Variants in NCKAP5 observed in about 807,000 individuals in gnomAD.
NCKAP5 encodes the protein nck-associated protein 5.
NCKAP5 carries 92 observed loss-of-function variants against 167.0 expected under a neutral mutation model. The observed-to-expected ratio is 0.55, with a 90% CI of 0.47 to 0.66. The LOEUF is 0.66. NCKAP5 is among the 30% of genes least tolerant of loss of function. NCKAP5 has a pLI of 0.00. For synonymous variants in NCKAP5, 891 were observed against 877.4 expected (o/e 1.02, Z -0.27); for missense variants, 2,378 against 2,315.0 (o/e 1.03, Z -0.56).
intron 8 of NCKAP5, among the ~76,000 whole-genome samples, chr2:132,935,657 C>A (rs1266888968): frequency 6.6e-6 from 1 of 152,084 alleles, no homozygotes; most frequent in African/African-American, 2.4e-5. Flanking sequence ...ACTGACCCTT[C>A]TGGAAAACTA....
chr2:133,166,338 TATCTTGC>T lies in NCKAP5; in HGVS notation c.208-36234_208-36228del, dbSNP rs573113343. The stretch of plus-strand genomic sequence containing the variant: ...CAATCATAATTTACATACAATTTTA[TATCTTGC>T]TCATTATTATATCATGAATAACTTT... On this transcript the variant is annotated intron_variant, in intron 5 of 19. Coordinates refer to ENST00000409261, the MANE Select transcript of NCKAP5 (RefSeq NM_207363.3). 5.3e-5 allele frequency among the ~76,000 whole-genome samples: 8 copies of T among 152,372 alleles called. No homozygotes were observed. The South Asian group carries it at 1.7e-3, about 32-fold the overall frequency.
At chr2:133,672,797 G>A in the NCKAP5 span, among the ~76,000 whole-genome samples, 16 of 152,172 alleles carry the variant, frequency 1.1e-4, no homozygotes, top group African/African-American at 3.9e-4. Flanking sequence ...CCTGTTCTAG[G>A]CCACAGGAAG....
chr2:133,240,068 A>C (rs1052262574), intron 4 of NCKAP5, among the ~76,000 whole-genome samples: 2 of 152,188 alleles, frequency 1.3e-5, no homozygotes, highest in African/African-American at 4.8e-5. Flanking sequence ...CACCATCACA[A>C]TTTGGAGAAA....
At chr2:133,312,504 G>T (rs745901497) in intron 3 of NCKAP5, among the ~76,000 whole-genome samples, 1 of 152,174 alleles carries the variant, frequency 6.6e-6, no homozygotes. Context: ...AAGCCAAAGA[G>T]AGGTAAGCAG....
chr2:133,467,077 T>G (rs1393214585), intron 3 of NCKAP5, among the ~76,000 whole-genome samples: 2 of 152,030 alleles, frequency 1.3e-5, no homozygotes, highest in African/African-American at 2.4e-5. Context: ...AGGGCATCCC[T>G]GTCTTGTGCC....
At chr2:133,487,216 A>C (rs1215887154) in intron 3 of NCKAP5, among the ~76,000 whole-genome samples, 2 of 152,224 alleles carry the variant, frequency 1.3e-5, no homozygotes. Flanking sequence ...GCACAGGAAG[A>C]GTTATAGACA....
intron 16 of NCKAP5, among the ~76,000 whole-genome samples, chr2:132,769,828 A>T (rs1021135312): frequency 6.6e-6 from 1 of 152,196 alleles, no homozygotes; most frequent in Non-Finnish European, 1.5e-5. Flanking sequence ...CCTTCCTTAT[A>T]CTTTTGTCTT....
chr2:132,747,169 G>C (rs1211977560), intron 16 of NCKAP5, among the ~76,000 whole-genome samples: 1 of 108,566 alleles, frequency 9.2e-6, no homozygotes, highest in East Asian at 3.2e-4. Context: ...TACTCAGCCT[G>C]CCAAAAAAAA....
intron 6 of NCKAP5, among the ~76,000 whole-genome samples, chr2:133,008,144 C>T (rs1304130915): frequency 6.6e-6 from 1 of 152,118 alleles, no homozygotes; most frequent in African/African-American, 2.4e-5. Flanking sequence ...TCAAGCAGGG[C>T]AAGTAAGTGT....
chr2:133,222,835 T>C (rs1332879619), intron 4 of NCKAP5, among the ~76,000 whole-genome samples: 1 of 152,198 alleles, frequency 6.6e-6, no homozygotes, highest in African/African-American at 2.4e-5. Context: ...GCAATGAATA[T>C]ATATTTAGCT....
intron 8 of NCKAP5, among the ~76,000 whole-genome samples, chr2:132,959,290 T>C (rs2076438361): frequency 6.6e-6 from 1 of 152,102 alleles, no homozygotes; most frequent in Non-Finnish European, 1.5e-5. Context: ...GTTATTCACC[T>C]TAACACATTT....
At chr2:133,672,758 T>C in the NCKAP5 span, among the ~76,000 whole-genome samples, 1 of 152,308 alleles carries the variant, frequency 6.6e-6, no homozygotes, top group South Asian at 2.1e-4. Context: ...GGTGGCAGAT[T>C]TGGGCCTGTG....
At position 132,784,631 on chromosome 2, in the gene NCKAP5, C is replaced by T; in HGVS notation, c.2180G>A (p.Arg727Lys). Residue 727 changes from arginine to lysine, a missense_variant, in exon 14 of 20, where the codon AGA becomes AAA. Around this residue, in one of 3 missense-constraint regions of NCKAP5, gnomAD observed 1,049 missense variants for 1,023.4 expected, o/e 1.02. Transcript: ENST00000409261. ...AGACCTTTTAAAGAAAGTATAGTCT[C>T]TTGCAGCAGCTCTTGGCTGTAAACA... is the stretch of plus-strand genomic sequence containing the variant. ...IACLQPRAAARDYTFFKRSEE... is the reference protein window; with the variant it reads ...IACLQPRAAAKDYTFFKRSEE... The T allele has an allele frequency of 6.2e-7, 1 of 1,613,386 alleles. No individual in the cohort carries two copies. Among genetic ancestry groups the T allele is most frequent in the Non-Finnish European group, 8.5e-7 (1 of 1,179,614 alleles).
intron 4 of NCKAP5, among the ~76,000 whole-genome samples, chr2:133,293,808 C>T (rs951156323): frequency 6.6e-6 from 1 of 152,138 alleles, no homozygotes; most frequent in African/African-American, 2.4e-5. Context: ...CTGGGACTGT[C>T]TGCATCTCTG....
At chr2:132,696,350 T>G (rs978472501) in intron 19 of NCKAP5, among the ~76,000 whole-genome samples, 1 of 152,246 alleles carries the variant, frequency 6.6e-6, no homozygotes, top group African/African-American at 2.4e-5. Context: ...TTAATGCTAT[T>G]ATTATTTTTA....
At position 132,963,832 on chromosome 2, in the gene NCKAP5, G is replaced by A; in HGVS notation, c.467C>T (p.Ala156Val). The A allele has an allele frequency of 1.9e-6, 3 of 1,613,702 alleles. No individual in the cohort carries two copies. Among genetic ancestry groups the A allele is most frequent in the Non-Finnish European group, 2.5e-6 (3 of 1,179,792 alleles). ...LSEEERKHKE[A>V]LEDLHMVVDE... ...AACCACCATGTGAAGATCTTCCAAA[G>A]CTTCCTTATGTTTTCTCTCTTCCTC... The change falls in exon 8 of 20, where the codon GCT becomes GTT. Residue 156 changes from alanine (A) to valine (V), a missense_variant. This residue lies in a region of NCKAP5 where 1,049 missense variants were observed against 1,023.4 expected (regional missense o/e 1.02). Coordinates refer to ENST00000409261, the MANE Select transcript of NCKAP5 (RefSeq NM_207363.3).
chr2:132,783,357 C>T lies in NCKAP5; in HGVS notation c.3454G>A (p.Val1152Met), dbSNP rs1370141013. 4.3e-6 allele frequency: 7 copies of T among 1,611,934 alleles called. No homozygotes were observed. The highest frequency in any genetic ancestry group is 1.7e-5 in the Admixed American group (1 of 59,678). ...AGCAGCTGGGGAGACTTCATGAGCA[C>T]TTTGAGTCCCACTGGAAGGCGAGTT... is the stretch of plus-strand genomic sequence containing the variant. ...LKTRLPVGLK[V>M]LMKSPQLLRK... Residue 1152 changes from valine (V) to methionine (M), a missense_variant, in exon 14 of 20, where the codon GTG becomes ATG. By Grantham distance (21) the Val-to-Met change is conservative. Coordinates refer to ENST00000409261, the MANE Select transcript of NCKAP5 (RefSeq NM_207363.3).
intron 8 of NCKAP5, among the ~76,000 whole-genome samples, chr2:132,916,354 T>C (rs1218557104): frequency 6.6e-6 from 1 of 152,040 alleles, no homozygotes; most frequent in East Asian, 1.9e-4. Context: ...ATGGGGCTGG[T>C]TGATCCTAGG....
chr2:132,787,347 C>CAAA (rs34393093), intron 13 of NCKAP5, among the ~76,000 whole-genome samples: 1 of 104,434 alleles, frequency 9.6e-6, no homozygotes, highest in Non-Finnish European at 2.0e-5. Context: ...GACTCCGTTT[C>CAAA]AAAAAAAAAA....
Sources: allele counts gnomAD v4.1 joint callset (sites outside exome capture counted in the v4.1 genomes callset), GRCh38; gene constraint gnomAD v4.1.1; regional missense constraint gnomAD v4.1.1; transcripts MANE v1.5; gene names NCBI Gene and HGNC (gene_info 2026-07-23, HGNC 2026-07-21).